Variants in EPB41L4A observed in about 807,000 individuals in gnomAD.
EPB41L4A encodes the protein band 4.1-like protein 4A.
EPB41L4A carries 100 observed loss-of-function variants against 108.6 expected under a neutral mutation model. That is an observed-to-expected ratio of 0.92 (90% CI 0.78 to 1.09). EPB41L4A has a LOEUF of 1.09. EPB41L4A is among the 50% of genes least tolerant of loss of function. The pLI is 0.00. For synonymous variants in EPB41L4A, 319 were observed against 289.0 expected, an observed-to-expected ratio of 1.10 and a Z score of -1.05; for missense variants, 1,030 against 842.7, an observed-to-expected ratio of 1.22 and a Z score of -2.75.
At chr5:112,207,951 C>CA (rs1384772446) in intron 13 of EPB41L4A, among the ~76,000 whole-genome samples, 1 of 151,960 alleles carries the variant, frequency 6.6e-6, no homozygotes, top group Non-Finnish European at 1.5e-5. Flanking sequence ...AATCATTCTA[C>CA]AAAAAAAGAC....
At chr5:112,279,533 A>C (rs934838230) in intron 3 of EPB41L4A, among the ~76,000 whole-genome samples, 1 of 152,188 alleles carries the variant, frequency 6.6e-6, no homozygotes. Flanking sequence ...AACAACGTAA[A>C]TGTACCTAAT....
chr5:112,153,576 T>TAGAG (rs67890908), intron 12 of EPB41L4A, among the ~76,000 whole-genome samples: 2 of 147,474 alleles, frequency 1.4e-5, no homozygotes, highest in Non-Finnish European at 3.0e-5. Flanking sequence ...CATATATATA[T>TAGAG]AGAGAGAGAG....
At chr5:112,273,722 C>T (rs1173976045) in intron 4 of EPB41L4A, among the ~76,000 whole-genome samples, 1 of 152,130 alleles carries the variant, frequency 6.6e-6, no homozygotes, top group Non-Finnish European at 1.5e-5. Flanking sequence ...ATATGAAGGA[C>T]TTTCATTTTA....
intron 12 of EPB41L4A, among the ~76,000 whole-genome samples, chr5:112,233,312 C>T (rs56288086): frequency 0.3 from 45,783 of 152,076 alleles, 7,656 homozygotes; most frequent in Non-Finnish European, 0.38. Context: ...ACAGAAGTTT[C>T]CTCTAACTGA....
chr5:112,215,592 T>C (rs567548255), intron 12 of EPB41L4A, among the ~76,000 whole-genome samples: 1 of 151,678 alleles, frequency 6.6e-6, no homozygotes, highest in South Asian at 2.1e-4. Flanking sequence ...TGAAACCCCG[T>C]CTCTACTAAA....
At chr5:112,301,494 T>C (rs756101021) in intron 2 of EPB41L4A, among the ~76,000 whole-genome samples, 4 of 152,202 alleles carry the variant, frequency 2.6e-5, no homozygotes, top group African/African-American at 4.8e-5. Context: ...AGTCCTGTGA[T>C]GTGAACCATC....
At chr5:112,323,657 A>G (rs995349812) in intron 1 of EPB41L4A, among the ~76,000 whole-genome samples, 1 of 152,176 alleles carries the variant, frequency 6.6e-6, no homozygotes, top group African/African-American at 2.4e-5. Flanking sequence ...CAGACCCTAA[A>G]AAGTCTCATA....
chr5:112,226,702 A>G (rs1445586607), intron 12 of EPB41L4A, among the ~76,000 whole-genome samples: 1 of 152,084 alleles, frequency 6.6e-6, no homozygotes, highest in Non-Finnish European at 1.5e-5. Context: ...TGTAAAAAAA[A>G]AAATCAGAGA....
At chr5:112,200,319 T>C (rs1762159124) in intron 15 of EPB41L4A, among the ~76,000 whole-genome samples, 1 of 152,200 alleles carries the variant, frequency 6.6e-6, no homozygotes. Context: ...TTCAGCAAAC[T>C]TCCCCTAACA....
At chr5:112,239,568 A>C in intron 11 of EPB41L4A, 92 bp downstream of exon 11, 2 of 761,226 alleles carry the variant, frequency 2.6e-6, no homozygotes. Context: ...AAAAAGAAAA[A>C]AATAAATAAA....
chr5:112,154,070 A>C (rs1449478514), intron 12 of EPB41L4A, among the ~76,000 whole-genome samples: 1 of 152,238 alleles, frequency 6.6e-6, no homozygotes, highest in Non-Finnish European at 1.5e-5. Flanking sequence ...TATATTGGGA[A>C]GTACTGTAAT....
intron 18 of EPB41L4A, 79 bp downstream of exon 18, chr5:112,183,937 C>A: frequency 6.5e-7 from 1 of 1,541,158 alleles, no homozygotes; most frequent in Non-Finnish European, 8.9e-7. Context: ...TGAACTAAAA[C>A]ACTTTAGAAG....
chr5:112,208,874 C>G (rs1341694910), intron 13 of EPB41L4A, among the ~76,000 whole-genome samples: 1 of 152,178 alleles, frequency 6.6e-6, no homozygotes, highest in East Asian at 1.9e-4. Flanking sequence ...AGCTGAATCT[C>G]TATCCACAGC....
intron 1 of EPB41L4A, among the ~76,000 whole-genome samples, chr5:112,308,512 C>T (rs1227249243): frequency 6.6e-6 from 1 of 152,212 alleles, no homozygotes; most frequent in Non-Finnish European, 1.5e-5. Context: ...GAACTTTCTT[C>T]AAGTTCTTGT....
chr5:112,275,233 T>G (rs1752544833), intron 4 of EPB41L4A, 93 bp downstream of exon 4: 3 of 1,417,408 alleles, frequency 2.1e-6, no homozygotes. Flanking sequence ...TAGACACACA[T>G]CCAAACGTTT....
intron 10 of EPB41L4A, among the ~76,000 whole-genome samples, 187 bp from the exon 11 acceptor site, chr5:112,239,924 A>G (rs1307062484): frequency 6.6e-6 from 1 of 152,228 alleles, no homozygotes; most frequent in Non-Finnish European, 1.5e-5. Flanking sequence ...TCCATTTAAA[A>G]AACAAAACCA....
chr5:112,174,094 AG>A (rs2150211522), intron 18 of EPB41L4A, among the ~76,000 whole-genome samples: 1 of 152,340 alleles, frequency 6.6e-6, no homozygotes, highest in African/African-American at 2.4e-5. Flanking sequence ...CGTGGCCAAT[AG>A]TTTCAAACAG....
chr5:112,339,543 T>TATATCTATATCTATA, intron 1 of EPB41L4A, among the ~76,000 whole-genome samples: 1 of 90,454 alleles, frequency 1.1e-5, no homozygotes, highest in South Asian at 3.2e-4. Flanking sequence ...TATATATATA[T>TATATCTATATCTATA]TTTTTTTTTA....
chr5:112,309,829 C>A (rs183926358), intron 1 of EPB41L4A, among the ~76,000 whole-genome samples: 14 of 152,162 alleles, frequency 9.2e-5, no homozygotes, highest in Non-Finnish European at 2.1e-4. Context: ...TTCCACCCTT[C>A]CCTCTCACTT....
Sources: gnomAD v4.1 joint callset for allele counts (sites outside exome capture counted in the v4.1 genomes callset) on GRCh38, gnomAD v4.1.1 for gene constraint, MANE v1.5 for transcripts, NCBI Gene and HGNC (gene_info 2026-07-23, HGNC 2026-07-21) for gene names.